Variants in RNH1 observed in about 807,000 individuals in gnomAD.
RNH1 encodes the protein ribonuclease/angiogenin inhibitor 1.
RNH1 carries 38 observed loss-of-function variants against 46.1 expected under a neutral mutation model. The ratio of observed to expected loss-of-function variants is 0.82; its 90% CI spans 0.64 to 1.08. RNH1 has a LOEUF of 1.08. Ranked by LOEUF, RNH1 falls within the 50% of genes least tolerant of loss-of-function variation. RNH1 has a pLI of 0.00. For missense variants in RNH1, 577 were observed against 590.7 expected (o/e 0.98, Z 0.24); for synonymous variants, 319 against 279.1 (o/e 1.14, Z -1.43).
At position 499,905 on chromosome 11, in the gene RNH1, T is replaced by C; in HGVS notation, c.367A>G (p.Asn123Asp). The change falls in exon 5 of 11, where the codon AAC (asparagine) becomes GAC (aspartate). Residue 123 changes from asparagine (N) to aspartate (D), a missense_variant. Transcript: ENST00000354420. ...PTLQELHLSD[N>D]LLGDAGLQLL... The stretch of plus-strand genomic sequence containing the variant: ...TGCAGGCCCGCATCCCCCAAGAGGT[T>C]GTCGCTGAGGTGCAGCTCCTGCAGG... 1 of 1,613,234 alleles carries C rather than the reference T, an allele frequency of 6.2e-7. No individual in the cohort carries two copies. Among genetic ancestry groups the C allele is most frequent in the Non-Finnish European group, 8.5e-7 (1 of 1,179,940 alleles).
intron 2 of RNH1, chr11:504,395 CCGCCCG>C (rs986385941): frequency 1.9e-5 from 3 of 153,958 alleles, no homozygotes; most frequent in Admixed American, 6.5e-5. Context: ...CTCTCTGCCC[CCGCCCG>C]CGCCCGCTCC....
At position 494,551 on chromosome 11, in the gene RNH1, A is replaced by G; in HGVS notation, c.*140T>C. 2.6e-6 allele frequency: 2 copies of G among 776,806 alleles called. No individual in the cohort carries two copies. Among genetic ancestry groups the G allele is most frequent in the Non-Finnish European group, 4.3e-6 (2 of 460,872 alleles). 48.1% of individuals were successfully genotyped at this position (776,806 alleles called of 1,614,324 possible). A position where few individuals can be genotyped will look rare whatever the true frequency, so the allele number is the denominator to read the frequency against. Reference sequence around the variant, plus strand: ...TGCTTTAATGATTATAAAGTGTCCAAAATATACTGGCAGAAATAAGCGGAT... The same window carrying G: ...TGCTTTAATGATTATAAAGTGTCCAGAATATACTGGCAGAAATAAGCGGAT... On this transcript the variant is annotated 3_prime_UTR_variant, in exon 11 of 11. Transcript: ENST00000354420.
Position 498,808 on chromosome 11 carries a change from A to G in RNH1, c.740T>C (p.Leu247Pro), listed in dbSNP as rs748205808. The change falls in exon 7 of 11, where the codon CTG (leucine) becomes CCG (proline). Residue 247 changes from leucine to proline, a missense_variant. Transcript: ENST00000354420. ...GCTGGGGTGGAGCAGCCCTGGGCACAGCTCCGCCATGCCCACATCACCCAG... is the reference window on the plus strand; with the variant it reads ...GCTGGGGTGGAGCAGCCCTGGGCACGGCTCCGCCATGCCCACATCACCCAG... ...NKLGDVGMAE[L>P]CPGLLHPSSR... 2.5e-5 allele frequency: 41 copies of G among 1,607,894 alleles called. No homozygotes were observed. Among genetic ancestry groups the G allele is most frequent in the Non-Finnish European group, 3.0e-5 (35 of 1,179,612 alleles).
chr11:498,402 G>A (rs76149492), intron 8 of RNH1, 55 bp downstream of exon 8: 45 of 1,592,490 alleles, frequency 2.8e-5, no homozygotes, highest in Non-Finnish European at 3.3e-5. Context: ...TGGTCTCCTC[G>A]GTCACCCTGG....
chr11:498,265 G>T, intron 8 of RNH1, 124 bp from the exon 9 acceptor site: 1 of 1,266,588 alleles, frequency 7.9e-7, no homozygotes, highest in Non-Finnish European at 1.1e-6. Context: ...CCCAGCAAGT[G>T]GGCACCTACA....
chr11:496,743 A>G (rs777795030), intron 9 of RNH1, among the ~76,000 whole-genome samples: 2 of 152,252 alleles, frequency 1.3e-5, no homozygotes, highest in African/African-American at 4.8e-5. Context: ...AGGACAGAAC[A>G]GGGGCACAAG....
At chr11:503,350 C>G in intron 2 of RNH1, 1 of 152,520 alleles carries the variant, frequency 6.6e-6, no homozygotes, top group Non-Finnish European at 1.5e-5. Flanking sequence ...CACTCCTCTC[C>G]CCGGGGCTGC....
chr11:497,771 G>A (rs535024536), intron 9 of RNH1, among the ~76,000 whole-genome samples, 200 bp downstream of exon 9: 1 of 150,648 alleles, frequency 6.6e-6, no homozygotes, highest in African/African-American at 2.5e-5. Context: ...ACACGGACAC[G>A]TGCTCACTCT....
intron 1 of RNH1, 151 bp downstream of exon 1, chr11:506,962 C>G (rs563170147): frequency 6.6e-6 from 1 of 152,320 alleles, no homozygotes; most frequent in Non-Finnish European, 1.5e-5. Flanking sequence ...CGGACCCCTG[C>G]CCCGCCCGAC....
At position 502,666 on chromosome 11, in the gene RNH1, C is replaced by G. The variant is rs1222325087; in HGVS notation, c.-87-417G>C. 6.1e-6 allele frequency: 1 copy of G among 163,212 alleles called. No homozygotes were observed. The allele number at this position is 163,212 out of a possible 1,614,324, so 10.1% of individuals were successfully genotyped here. A position where few individuals can be genotyped will look rare whatever the true frequency, so the allele number is the denominator to read the frequency against. On this transcript the variant is annotated intron_variant, in intron 2 of 10. Transcript: ENST00000354420. The surrounding 1 kb of genome is among the most constrained non-coding windows in gnomAD (Gnocchi z 5.8). ...GGACAGGCAGACTGTGCGGGCCAGG[C>G]AGGCTGCCCACAAAGCCAGAGACCT...
rs1849656748 is a variant in RNH1 at position 500,563 on chromosome 11, T to G, written c.193A>C (p.Ser65Arg). Residue 65 changes from serine (S) to arginine (R), a missense_variant, in exon 4 of 11, where the codon AGC (serine) becomes CGC (arginine). Ser to Arg is a moderately radical substitution (Grantham distance 110, BLOSUM62 -1). Transcript: ENST00000354420. ...ACGCCGACATCGCCCAGCTCGTTGC[T>G]GCGCAGGTTGAGCTCTGCCAGTGCA... is the stretch of plus-strand genomic sequence containing the variant. ...NPALAELNLR[S>R]NELGDVGVHC... 1 of 1,610,946 alleles carries G rather than the reference T, an allele frequency of 6.2e-7. No homozygotes were observed. The highest frequency in any genetic ancestry group is 1.1e-5 in the South Asian group (1 of 91,094).
chr11:500,492 C>T lies in RNH1; in HGVS notation c.264G>A (p.Gln88=), dbSNP rs766315831. Residue 88 remains glutamine (Q), a synonymous_variant, in exon 4 of 11, where the codon CAG becomes CAA. Coordinates refer to ENST00000354420, the MANE Select transcript of RNH1 (RefSeq NM_203387.3). ...GCCAGGCCCCGCCTCACCTCAGCTT[C>T]TGGATCTTGCAGGAGGGGGTCTGCA... is the stretch of plus-strand genomic sequence containing the variant. ...QGLQTPSCKI[Q]KLSLQNCCLT... is the part of the protein sequence containing the mutation. The T allele has an allele frequency of 2.5e-6, 4 of 1,607,048 alleles. No homozygotes were observed. In the African/African-American group the frequency reaches 4.0e-5, roughly 16 times the overall value.
chr11:496,595 G>A (rs1370257975), intron 9 of RNH1, among the ~76,000 whole-genome samples: 1 of 152,182 alleles, frequency 6.6e-6, no homozygotes, highest in Non-Finnish European at 1.5e-5. Context: ...CATGAACTTG[G>A]GAGGCGGAGC....
chr11:495,895 G>A (rs189021885), intron 9 of RNH1, among the ~76,000 whole-genome samples: 1 of 152,296 alleles, frequency 6.6e-6, no homozygotes, highest in Admixed American at 6.5e-5. Context: ...GAAAGCCCCT[G>A]GCGAGAGGCA....
chr11:500,304 C>T, intron 4 of RNH1, 180 bp downstream of exon 4: 1 of 778,550 alleles, frequency 1.3e-6, no homozygotes, highest in Non-Finnish European at 2.0e-6. Flanking sequence ...GCAGGAAGGG[C>T]CCTGTCCCCC....
In RNH1 at chr11:499,045, T is replaced by C; in HGVS notation, c.584A>G (p.Lys195Arg). ...AGVRVLCQGLKDSPCQLEALK... is the reference protein window; with the variant it reads ...AGVRVLCQGLRDSPCQLEALK... The stretch of plus-strand genomic sequence containing the variant: ...CGCCTCCAGCTGGCAGGGGGAGTCC[T>C]TCAGGCCCTGGCACAGCACACGGAC... The change falls in exon 6 of 11, where the codon AAG becomes AGG. Residue 195 changes from lysine (K) to arginine (R), a missense_variant. Physicochemically the swap from Lys to Arg is conservative, Grantham distance 26. Coordinates refer to ENST00000354420, the MANE Select transcript of RNH1 (RefSeq NM_203387.3). 1 of 1,613,130 alleles carries C rather than the reference T, an allele frequency of 6.2e-7. No homozygotes were observed. Among genetic ancestry groups the C allele is most frequent in the Non-Finnish European group, 8.5e-7 (1 of 1,179,900 alleles).
rs773018132 is a variant in RNH1 at position 495,010 on chromosome 11, C to T, written c.1171G>A (p.Ala391Thr). ...DVSDSSCSSL[A>T]ATLLANHSLR... ...CTGTGGTTGGCCAACAGGGTTGCGGCGAGGCTGCTGCAGCTGCTGTCACTC... is the reference window on the plus strand; with the variant it reads ...CTGTGGTTGGCCAACAGGGTTGCGGTGAGGCTGCTGCAGCTGCTGTCACTC... The change falls in exon 10 of 11, where the codon GCC (alanine) becomes ACC (threonine). Residue 391 changes from alanine (A) to threonine (T), a missense_variant. By Grantham distance (58) the Ala-to-Thr change is moderately conservative. Transcript: ENST00000354420. The T allele has an allele frequency of 1.1e-4, 170 of 1,604,264 alleles. 1 individual carries two copies. The highest frequency in any genetic ancestry group is 1.3e-4 in the Non-Finnish European group (158 of 1,176,206).
Position 500,523 on chromosome 11 carries a change from T to C in RNH1, c.233A>G (p.Gln78Arg). 1 of 1,610,070 alleles carries C rather than the reference T, an allele frequency of 6.2e-7. No individual in the cohort carries two copies. Among genetic ancestry groups the C allele is most frequent in the Non-Finnish European group, 8.5e-7 (1 of 1,179,958 alleles). Residue 78 changes from glutamine to arginine, a missense_variant, in exon 4 of 11, where the codon CAG becomes CGG. Physicochemically the swap from Gln to Arg is conservative, Grantham distance 43 (BLOSUM62 1). Transcript: ENST00000354420. ...CTTGCAGGAGGGGGTCTGCAGGCCCTGGAGCACGCAATGCACGCCGACATC... is the reference window on the plus strand; with the variant it reads ...CTTGCAGGAGGGGGTCTGCAGGCCCCGGAGCACGCAATGCACGCCGACATC... ...LGDVGVHCVL[Q>R]GLQTPSCKIQ...
chr11:497,634 C>A (rs1346865432), intron 9 of RNH1, among the ~76,000 whole-genome samples: 2 of 148,188 alleles, frequency 1.3e-5, no homozygotes, highest in African/African-American at 5.0e-5. Context: ...CGTGCTCACA[C>A]ACGGACACTC....
Sources: gnomAD v4.1 joint callset for allele counts (sites outside exome capture counted in the v4.1 genomes callset) on GRCh38, gnomAD v4.1.1 for gene constraint, Gnocchi (gnomAD v3.1) non-coding constraint, MANE v1.5 for transcripts, NCBI Gene and HGNC (gene_info 2026-07-23, HGNC 2026-07-21) for gene names.